ACSS3: variants seen among roughly 807,000 people sequenced by gnomAD.
ACSS3 encodes acyl-CoA synthetase short-chain family member 3, mitochondrial.
ACSS3 carries 64 observed loss-of-function variants against 84.2 expected under a neutral mutation model. The ratio of observed to expected loss-of-function variants is 0.76; its 90% CI spans 0.62 to 0.94. The LOEUF (loss-of-function observed/expected upper bound fraction) is 0.94. ACSS3 is among the 40% of genes least tolerant of loss of function. The pLI is 0.00. For missense variants in ACSS3, 815 were observed against 867.6 expected, an observed-to-expected ratio of 0.94 and a Z score of 0.76; for synonymous variants, 317 against 310.1, an observed-to-expected ratio of 1.02 and a Z score of -0.23.
At chr12:81,228,697 C>T (rs1272077508) in intron 11 of ACSS3, among the ~76,000 whole-genome samples, 2 of 151,668 alleles carry the variant, frequency 1.3e-5, no homozygotes, top group Non-Finnish European at 2.9e-5. Context: ...AAAATGCAGT[C>T]CTCTTGGTCC....
At chr12:81,149,571 G>A (rs187878835) in intron 5 of ACSS3, among the ~76,000 whole-genome samples, 4 of 152,152 alleles carry the variant, frequency 2.6e-5, no homozygotes, top group African/African-American at 9.6e-5. Flanking sequence ...GCATTTGAGA[G>A]GCAAGACCAA....
rs2031997178 is a variant in ACSS3 at position 81,199,421 on chromosome 12, T to C, written c.1331T>C (p.Val444Ala). The C allele has an allele frequency of 6.2e-7, 1 of 1,613,412 alleles. No homozygotes were observed. Among genetic ancestry groups the C allele is most frequent in the Middle Eastern group, 1.7e-4 (1 of 6,060 alleles). ...EWSKNVFRVP[V>A]LDHWWQTETG... ...TCCAAAAATGTCTTCAGAGTACCTGTCTTAGACCATTGGTGGCAAACTGGT... is the reference window on the plus strand; with the variant it reads ...TCCAAAAATGTCTTCAGAGTACCTGCCTTAGACCATTGGTGGCAAACTGGT... Residue 444 changes from valine (V) to alanine (A), a missense_variant, in exon 9 of 16, where the codon GTC (valine) becomes GCC (alanine). Physicochemically the swap from Val to Ala is moderately conservative, Grantham distance 64 (BLOSUM62 0). Transcript: ENST00000548058.
intron 2 of ACSS3, among the ~76,000 whole-genome samples, chr12:81,134,129 A>G (rs147490535): frequency 6.4e-4 from 97 of 152,034 alleles, no homozygotes; most frequent in Non-Finnish European, 1.2e-3. Context: ...GTCATTTTGT[A>G]TAATAATTAG....
chr12:81,149,224 T>G (rs1364979755), intron 5 of ACSS3, among the ~76,000 whole-genome samples: 1 of 152,218 alleles, frequency 6.6e-6, no homozygotes, highest in Admixed American at 6.5e-5. Context: ...AAAAGTGCTA[T>G]TTTTAGTTTA....
At chr12:81,125,211 C>T (rs1340490706) in intron 2 of ACSS3, among the ~76,000 whole-genome samples, 1 of 150,350 alleles carries the variant, frequency 6.7e-6, no homozygotes, top group Non-Finnish European at 1.5e-5. Flanking sequence ...GAGACTTCGT[C>T]TCAAAAAAAA....
chr12:81,162,286 C>T (rs943846861), intron 7 of ACSS3, among the ~76,000 whole-genome samples: 2 of 152,094 alleles, frequency 1.3e-5, no homozygotes, highest in African/African-American at 4.8e-5. Flanking sequence ...GAGGGTAGCT[C>T]CTATCTGGAG....
chr12:81,088,049 G>A (rs1371120107), intron 1 of ACSS3, among the ~76,000 whole-genome samples: 1 of 152,012 alleles, frequency 6.6e-6, no homozygotes, highest in Non-Finnish European at 1.5e-5. Flanking sequence ...AGGAAGATTG[G>A]TCTTCCCCAC....
At chr12:81,176,433 G>T (rs570216061) in intron 8 of ACSS3, among the ~76,000 whole-genome samples, 1 of 152,044 alleles carries the variant, frequency 6.6e-6, no homozygotes, top group Non-Finnish European at 1.5e-5. Context: ...GCCAGGTGTG[G>T]TGGTGTGGGC....
At position 81,230,510 on chromosome 12, in the gene ACSS3, G is replaced by A. The variant is rs199635419; in HGVS notation, c.1515-547G>A. Among the ~76,000 whole-genome samples, 21 of 151,878 alleles carry A rather than the reference G, an allele frequency of 1.4e-4. No homozygotes were observed. The East Asian group carries it at 2.7e-3, about 20-fold the overall frequency. ...CATGTGTTTATAGAAGTGAGAAATC[G>A]CATAAGTCTGGATGATTATGAGAAG... is the stretch of plus-strand genomic sequence containing the variant. On this transcript the variant is annotated intron_variant, in intron 11 of 15. Coordinates refer to ENST00000548058, the MANE Select transcript of ACSS3 (RefSeq NM_024560.4).
At chr12:81,193,094 G>A (rs1276671642) in intron 8 of ACSS3, among the ~76,000 whole-genome samples, 3 of 152,104 alleles carry the variant, frequency 2.0e-5, no homozygotes, top group East Asian at 1.9e-4. Context: ...TAACACTAGC[G>A]TCTTTACATT....
At chr12:81,185,006 C>A (rs1565709808) in intron 8 of ACSS3, among the ~76,000 whole-genome samples, 1 of 151,622 alleles carries the variant, frequency 6.6e-6, no homozygotes, top group African/African-American at 2.4e-5. Context: ...ACAAATCCAA[C>A]AACACATGAA....
intron 8 of ACSS3, among the ~76,000 whole-genome samples, chr12:81,179,305 A>AC (rs71098128): frequency 0.028 from 1,475 of 52,222 alleles, 11 homozygotes; most frequent in Admixed American, 0.04. Context: ...AGAAAAAAAA[A>AC]ACACAAAAAA....
intron 8 of ACSS3, among the ~76,000 whole-genome samples, chr12:81,179,853 C>T (rs1226126165): frequency 6.6e-6 from 1 of 150,912 alleles, no homozygotes; most frequent in Non-Finnish European, 1.5e-5. Flanking sequence ...ATACCTGAGA[C>T]TAGGTCATTT....
intron 4 of ACSS3, 77 bp downstream of exon 4, chr12:81,139,342 G>A (rs1182466623): frequency 1.8e-5 from 27 of 1,507,728 alleles, no homozygotes; most frequent in Non-Finnish European, 1.9e-5. Context: ...ATTTAAAAGA[G>A]ACATTTGATT....
At chr12:81,241,066 A>G (rs924063727) in intron 13 of ACSS3, among the ~76,000 whole-genome samples, 15 of 137,626 alleles carry the variant, frequency 1.1e-4, no homozygotes, top group Admixed American at 6.7e-4. Flanking sequence ...ATTCCCACCT[A>G]TGAGTGAGAA....
At chr12:81,226,675 C>T (rs1305014539) in intron 11 of ACSS3, among the ~76,000 whole-genome samples, 1 of 151,906 alleles carries the variant, frequency 6.6e-6, no homozygotes, top group Non-Finnish European at 1.5e-5. Flanking sequence ...GTTGGCATCA[C>T]TATTGATCTA....
intron 1 of ACSS3, among the ~76,000 whole-genome samples, chr12:81,108,080 A>C (rs1336637862): frequency 6.6e-6 from 1 of 151,978 alleles, no homozygotes; most frequent in Non-Finnish European, 1.5e-5. Flanking sequence ...GGATGCTGGG[A>C]AGAGGTAATA....
rs567747696 is a variant in ACSS3 at position 81,105,761 on chromosome 12, G to A, written c.312-3799G>A. 1.1e-4 allele frequency among the ~76,000 whole-genome samples: 16 copies of A among 152,260 alleles called. No homozygotes were observed. In the South Asian group the frequency reaches 2.9e-3, roughly 28 times the overall value. ...TCTAAAACAGTGTCATATTCTTCTT[G>A]TAGTCTTTAAGATTCTTTTTAAAGA... On this transcript the variant is annotated intron_variant, in intron 1 of 15. Transcript: ENST00000548058.
chr12:81,187,865 G>A (rs2031358351), intron 8 of ACSS3, among the ~76,000 whole-genome samples: 1 of 151,798 alleles, frequency 6.6e-6, no homozygotes, highest in East Asian at 1.9e-4. Flanking sequence ...TCTTATTTGT[G>A]TATGTATGAC....
Sources: gnomAD v4.1 joint callset for allele counts (sites outside exome capture counted in the v4.1 genomes callset) on GRCh38, gnomAD v4.1.1 for gene constraint, MANE v1.5 for transcripts, NCBI Gene and HGNC (gene_info 2026-07-23, HGNC 2026-07-21) for gene names.